The following RBFOX1 variants were observed in gnomAD, a reference collection of about 807,000 sequenced individuals.
RBFOX1 encodes the protein RNA binding protein fox-1 homolog 1.
A neutral mutation model predicts 57.7 loss-of-function variants in RBFOX1; 8 were observed. The ratio of observed to expected loss-of-function variants is 0.14; its 90% confidence interval spans 0.08 to 0.25. RBFOX1 has a LOEUF of 0.25. RBFOX1 is among the 10% of genes least tolerant of loss of function. The pLI, the probability that RBFOX1 is intolerant of heterozygous loss-of-function variation, is 1.00. For synonymous variants in RBFOX1, 326 were observed against 222.4 expected (o/e 1.47, Z -4.15); for missense variants, 611 against 548.5 (o/e 1.11, Z -1.14).
At chr16:5,897,601 G>T (rs11641026) in intron 4 of RBFOX1, among the ~76,000 whole-genome samples, 11,472 of 152,214 alleles carry the variant, frequency 0.075, 611 homozygotes, top group African/African-American at 0.14. Flanking sequence ...TTAGCAGGAT[G>T]TGGTTCAGCA....
intron 4 of RBFOX1, among the ~76,000 whole-genome samples, chr16:7,154,690 TGTGTG>T (rs2076745389): frequency 9.6e-4 from 11 of 11,406 alleles, no homozygotes; most frequent in Non-Finnish European, 1.9e-3. Flanking sequence ...TTCCTTTGTG[TGTGTG>T]TGTGTGTGTG....
chr16:5,337,845 A>G (rs1280432383), intron 1 of RBFOX1, among the ~76,000 whole-genome samples: 1 of 152,044 alleles, frequency 6.6e-6, no homozygotes, highest in Admixed American at 6.6e-5. Context: ...GGAGTTCAAG[A>G]CCATCCTGGG....
At chr16:6,543,669 C>T (rs1303644186) in intron 2 of RBFOX1, among the ~76,000 whole-genome samples, 1 of 152,032 alleles carries the variant, frequency 6.6e-6, no homozygotes, top group Non-Finnish European at 1.5e-5. Context: ...GGCACCTTGG[C>T]AGGGGAGGAG....
At chr16:7,362,810 G>C (rs1312982703) in intron 4 of RBFOX1, among the ~76,000 whole-genome samples, 1 of 152,162 alleles carries the variant, frequency 6.6e-6, no homozygotes. Context: ...TTCACTGCCA[G>C]AGAAGTGGCT....
rs769215811 is a variant in RBFOX1, at chr16:7,373,239, G to C, written c.28-144908G>C. On this transcript the variant is annotated intron_variant, in intron 4 of 15. Transcript: ENST00000550418. Reference sequence around the variant, plus strand: ...TGAGCCACCGCGTCTGGCTGAAATTGCATTACTTTTAATTCTAAAACAACA... The same window carrying C: ...TGAGCCACCGCGTCTGGCTGAAATTCCATTACTTTTAATTCTAAAACAACA... Among the ~76,000 whole-genome samples, 138 of 152,196 alleles carry C rather than the reference G, an allele frequency of 9.1e-4. 1 individual carries two copies. The highest frequency in any genetic ancestry group is 4.9e-4 in the Non-Finnish European group (33 of 68,020).
intron 3 of RBFOX1, among the ~76,000 whole-genome samples, chr16:5,677,142 G>A (rs533460710): frequency 8.5e-4 from 129 of 152,332 alleles, no homozygotes; most frequent in Non-Finnish European, 1.5e-3. Flanking sequence ...AGACCCAGAA[G>A]TTGAACCCAG....
chr16:5,993,384 T>A (rs7187845), intron 4 of RBFOX1, among the ~76,000 whole-genome samples: 24,132 of 69,690 alleles, frequency 0.35, 2,618 homozygotes, highest in East Asian at 0.51. Flanking sequence ...TGTGTGTGTG[T>A]GAGAGAGAGA....
At chr16:5,518,817 G>T (rs1177851890) in intron 2 of RBFOX1, among the ~76,000 whole-genome samples, 2 of 152,210 alleles carry the variant, frequency 1.3e-5, no homozygotes, top group Non-Finnish European at 2.9e-5. Context: ...CAAAATGACA[G>T]ATTCAAGATG....
At chr16:6,253,909 C>G (rs2097643984) in intron 1 of RBFOX1, among the ~76,000 whole-genome samples, 1 of 151,972 alleles carries the variant, frequency 6.6e-6, no homozygotes. Flanking sequence ...GAATAAAACC[C>G]CAAAGAGTAG....
intron 4 of RBFOX1, among the ~76,000 whole-genome samples, chr16:7,310,457 C>T (rs878888418): frequency 1.3e-5 from 2 of 152,104 alleles, no homozygotes; most frequent in Admixed American, 1.3e-4. Context: ...AGATGTTGAT[C>T]AAAACTGTAA....
At chr16:6,533,814 C>T (rs2096696175) in intron 2 of RBFOX1, among the ~76,000 whole-genome samples, 1 of 152,132 alleles carries the variant, frequency 6.6e-6, no homozygotes, top group Non-Finnish European at 1.5e-5. Context: ...GAAAACTGAG[C>T]ATGGTCAACA....
At chr16:7,139,219 T>A (rs1471291585) in intron 4 of RBFOX1, among the ~76,000 whole-genome samples, 1 of 152,038 alleles carries the variant, frequency 6.6e-6, no homozygotes, top group East Asian at 1.9e-4. Flanking sequence ...TTTGTGTGTG[T>A]GTGTGTCTGC....
chr16:6,782,837 T>C (rs2081258661), intron 3 of RBFOX1, among the ~76,000 whole-genome samples: 1 of 152,208 alleles, frequency 6.6e-6, no homozygotes, highest in African/African-American at 2.4e-5. Flanking sequence ...TAACTTAGCA[T>C]TCCCAACTAT....
intron 3 of RBFOX1, among the ~76,000 whole-genome samples, chr16:5,672,028 G>T (rs1432471739): frequency 2.0e-5 from 3 of 152,254 alleles, no homozygotes; most frequent in East Asian, 1.9e-4. Context: ...GGAGAGATTT[G>T]CATCTTTGAG....
intron 3 of RBFOX1, among the ~76,000 whole-genome samples, chr16:6,715,274 T>G (rs1454538221): frequency 6.6e-6 from 1 of 152,090 alleles, no homozygotes; most frequent in East Asian, 1.9e-4. Flanking sequence ...AAGTTTTTTT[T>G]TTTTCTTTTT....
chr16:5,612,870 T>G (rs769587102), intron 3 of RBFOX1, among the ~76,000 whole-genome samples: 28 of 152,172 alleles, frequency 1.8e-4, no homozygotes, highest in Non-Finnish European at 8.8e-5. Context: ...TCATTTGGGG[T>G]TCTTTTTCCT....
At chr16:5,948,515 G>C (rs941436762) in intron 4 of RBFOX1, among the ~76,000 whole-genome samples, 1 of 152,218 alleles carries the variant, frequency 6.6e-6, no homozygotes, top group Admixed American at 6.5e-5. Flanking sequence ...ATGAGGTCAT[G>C]CTGGATTTTG....
chr16:7,078,682 TTTTATTTTA>T (rs2058678638), intron 4 of RBFOX1, among the ~76,000 whole-genome samples: 1 of 141,036 alleles, frequency 7.1e-6, no homozygotes, highest in Admixed American at 6.9e-5. Flanking sequence ...ATTTTATTTA[TTTTATTTTA>T]TTTTTTTTTG....
chr16:7,234,815 C>G (rs997476229), intron 4 of RBFOX1, among the ~76,000 whole-genome samples: 3 of 151,836 alleles, frequency 2.0e-5, no homozygotes, highest in Non-Finnish European at 4.4e-5. Context: ...CAAAAATATG[C>G]AAGGCACCCC....
Sources: gnomAD v4.1 joint callset for allele counts (sites outside exome capture counted in the v4.1 genomes callset) on GRCh38, gnomAD v4.1.1 for gene constraint, MANE v1.5 for transcripts, NCBI Gene and HGNC (gene_info 2026-07-23, HGNC 2026-07-21) for gene names.